KLHL1: variants seen among roughly 807,000 people sequenced by gnomAD.
The protein encoded by KLHL1 is kelch-like protein 1.
KLHL1 carries 47 observed loss-of-function variants against 77.7 expected under a neutral mutation model. The ratio of observed to expected loss-of-function variants is 0.60; its 90% CI spans 0.48 to 0.77. The LOEUF is 0.77. KLHL1 is among the 30% of genes least tolerant of loss of function. KLHL1 has a pLI of 0.00. For synonymous variants in KLHL1, 360 were observed against 325.2 expected, an observed-to-expected ratio of 1.11 and a Z score of -1.15; for missense variants, 925 against 910.8, an observed-to-expected ratio of 1.02 and a Z score of -0.20.
chr13:69,981,579 AT>A (rs1253396603), intron 1 of KLHL1, among the ~76,000 whole-genome samples: 2 of 152,064 alleles, frequency 1.3e-5, no homozygotes, highest in Admixed American at 1.3e-4. Flanking sequence ...CTTAGTGTGT[AT>A]TTCAGGCAAT....
At chr13:69,767,024 T>C (rs1875336474) in intron 7 of KLHL1, among the ~76,000 whole-genome samples, 1 of 152,192 alleles carries the variant, frequency 6.6e-6, no homozygotes, top group Non-Finnish European at 1.5e-5. Flanking sequence ...CATATCAAAG[T>C]AGCAATTGGT....
At chr13:69,845,672 ACTTATACTAGCACTTG>A (rs1280010457) in intron 5 of KLHL1, among the ~76,000 whole-genome samples, 4 of 151,622 alleles carry the variant, frequency 2.6e-5, no homozygotes, top group Admixed American at 2.0e-4. Context: ...TATTTCTATA[ACTTATACTAGCACTTG>A]CTCTTTGGAA....
At chr13:69,714,619 G>A (rs1216610622) in intron 9 of KLHL1, among the ~76,000 whole-genome samples, 1 of 150,018 alleles carries the variant, frequency 6.7e-6, no homozygotes, top group Non-Finnish European at 1.5e-5. Flanking sequence ...TTTGAGACAG[G>A]GTCTCACTCT....
rs1343751825 is a variant in KLHL1 at position 69,700,708 on chromosome 13, T to A, written c.*994A>T. On this transcript the variant is annotated 3_prime_UTR_variant, in exon 11 of 11. Coordinates refer to ENST00000377844, the MANE Select transcript of KLHL1 (RefSeq NM_020866.3). ...TTTAAACAATTACAAACATGTGGCT[T>A]AAAATAATGTACAGATCAATGTAAC... 6.6e-6 allele frequency: 1 copy of A among 152,412 alleles called. No homozygotes were observed. The allele number at this position is 152,412 out of a possible 1,614,324, so 9.4% of individuals were successfully genotyped here. A position where few individuals can be genotyped will look rare whatever the true frequency, so the allele number is the denominator to read the frequency against.
intron 5 of KLHL1, among the ~76,000 whole-genome samples, chr13:69,850,483 C>A (rs769983180): frequency 2.6e-5 from 4 of 151,472 alleles, no homozygotes; most frequent in Non-Finnish European, 5.9e-5. Flanking sequence ...TGTCTAGGAC[C>A]CTTCCATTTC....
At chr13:69,882,529 T>C (rs1324013681) in intron 4 of KLHL1, 34 bp from the exon 5 acceptor site, 4 of 1,485,056 alleles carry the variant, frequency 2.7e-6, no homozygotes, top group Non-Finnish European at 3.8e-6. Context: ...ATAAATTCTG[T>C]TTCACTTTTA....
intron 4 of KLHL1, among the ~76,000 whole-genome samples, chr13:69,936,288 A>G (rs569694472): frequency 6.6e-6 from 1 of 152,228 alleles, no homozygotes; most frequent in Non-Finnish European, 1.5e-5. Context: ...GTGGAGGACT[A>G]TGTATATCAG....
At chr13:70,094,142 A>G (rs907104816) in intron 1 of KLHL1, among the ~76,000 whole-genome samples, 2 of 151,950 alleles carry the variant, frequency 1.3e-5, no homozygotes, top group African/African-American at 4.8e-5. Flanking sequence ...AGAGGTGAAG[A>G]GTTAGTCTTA....
chr13:69,943,473 G>A (rs1370010215), intron 3 of KLHL1, among the ~76,000 whole-genome samples: 1 of 151,848 alleles, frequency 6.6e-6, no homozygotes. Flanking sequence ...AGTGATTAGA[G>A]TAATATGAAA....
At chr13:69,960,894 A>G (rs1884041943) in intron 3 of KLHL1, among the ~76,000 whole-genome samples, 1 of 152,040 alleles carries the variant, frequency 6.6e-6, no homozygotes, top group Non-Finnish European at 1.5e-5. Context: ...CACATTAACT[A>G]TTCCGTGAAA....
chr13:70,077,971 C>T (rs1202283255), intron 1 of KLHL1, among the ~76,000 whole-genome samples: 12 of 151,982 alleles, frequency 7.9e-5, no homozygotes, highest in African/African-American at 2.9e-4. Flanking sequence ...AAAATTCAGT[C>T]CATATTTATC....
intron 1 of KLHL1, among the ~76,000 whole-genome samples, chr13:70,098,761 A>T (rs530494701): frequency 2.6e-5 from 4 of 151,936 alleles, no homozygotes; most frequent in Non-Finnish European, 5.9e-5. Context: ...ATTTTTTACT[A>T]TCATAGGATA....
At chr13:69,814,051 C>G (rs926432687) in intron 6 of KLHL1, among the ~76,000 whole-genome samples, 4 of 151,980 alleles carry the variant, frequency 2.6e-5, no homozygotes, top group Non-Finnish European at 4.4e-5. Flanking sequence ...TATAAACACA[C>G]AGACAAATGG....
intron 7 of KLHL1, among the ~76,000 whole-genome samples, chr13:69,759,304 A>C (rs1334884783): frequency 6.6e-6 from 1 of 152,188 alleles, no homozygotes. Context: ...CATCTTTGAC[A>C]GCATTAGCTC....
intron 6 of KLHL1, among the ~76,000 whole-genome samples, chr13:69,819,076 T>C (rs543140203): frequency 6.6e-6 from 1 of 152,322 alleles, no homozygotes; most frequent in Admixed American, 6.5e-5. Flanking sequence ...ACAGAATTGC[T>C]GCATAAAAGG....
chr13:70,012,333 G>A (rs1179285476), intron 1 of KLHL1, among the ~76,000 whole-genome samples: 1 of 151,890 alleles, frequency 6.6e-6, no homozygotes, highest in East Asian at 1.9e-4. Context: ...CTTGCAGGCT[G>A]GAAACTAGAA....
intron 5 of KLHL1, among the ~76,000 whole-genome samples, chr13:69,881,355 C>A (rs1880981005): frequency 6.6e-6 from 1 of 152,044 alleles, no homozygotes; most frequent in African/African-American, 2.4e-5. Context: ...TCCTAATTCT[C>A]TGTTTTATAT....
rs1179828695 is a variant in KLHL1, at chr13:69,707,620, C to T, written c.2187+5G>A. On this transcript the variant is annotated splice_donor_5th_base_variant and intron_variant, in intron 10 of 10. Transcript: ENST00000377844. Reference sequence around the variant, plus strand: ...TGAAGTGAATTATGCTGATGACAATCTTACCTGTGTCCACTCATTAGTTTG... The same window carrying T: ...TGAAGTGAATTATGCTGATGACAATTTTACCTGTGTCCACTCATTAGTTTG... The T allele has an allele frequency of 6.2e-7, 1 of 1,608,740 alleles. No homozygotes were observed. Among genetic ancestry groups the T allele is most frequent in the Non-Finnish European group, 8.5e-7 (1 of 1,176,764 alleles).
chr13:70,027,546 T>G (rs1372231), intron 1 of KLHL1, among the ~76,000 whole-genome samples: 125,302 of 151,828 alleles, frequency 0.83, 52,527 homozygotes, highest in East Asian at 0.92. Context: ...GGGAGAAAAC[T>G]ATAACAAAAG....
Sources: gnomAD v4.1 joint callset for allele counts (sites outside exome capture counted in the v4.1 genomes callset) on GRCh38, gnomAD v4.1.1 for gene constraint, MANE v1.5 for transcripts, NCBI Gene and HGNC (gene_info 2026-07-23, HGNC 2026-07-21) for gene names.